Variants in TJP2 observed in about 807,000 individuals in gnomAD.
The protein encoded by TJP2 is tight junction protein 2.
Under a neutral mutation model 133.1 loss-of-function variants are expected in TJP2, and 91 were observed. That is an observed-to-expected ratio of 0.68 (90% confidence interval 0.58 to 0.81). The LOEUF (loss-of-function observed/expected upper bound fraction) is 0.81. Among genes scored for constraint, TJP2 ranks in the 40% least tolerant of loss-of-function variants. The pLI is 0.00. For synonymous variants in TJP2, 592 were observed against 583.4 expected (o/e 1.01, Z -0.21); for missense variants, 1,541 against 1,565.6 (o/e 0.98, Z 0.26).
At chr9:69,158,444 G>C (rs1823888269) in intron 2 of TJP2, among the ~76,000 whole-genome samples, 1 of 150,340 alleles carries the variant, frequency 6.7e-6, no homozygotes, top group Non-Finnish European at 1.5e-5. Flanking sequence ...ACTATCACCT[G>C]CCCTTCTGAC....
chr9:69,197,446 C>T (rs527694808), intron 1 of TJP2, among the ~76,000 whole-genome samples: 1 of 152,220 alleles, frequency 6.6e-6, no homozygotes, highest in African/African-American at 2.4e-5. Flanking sequence ...CATTTGTATA[C>T]AAGTTGTTGT....
intron 2 of TJP2, among the ~76,000 whole-genome samples, chr9:69,154,854 G>A (rs986712338): frequency 2.5e-4 from 38 of 151,988 alleles, no homozygotes; most frequent in African/African-American, 8.7e-4. Context: ...TTCTAGATAC[G>A]AAATCTCATT....
At chr9:69,147,221 G>A (rs1464971632) in intron 1 of TJP2, among the ~76,000 whole-genome samples, 2 of 152,134 alleles carry the variant, frequency 1.3e-5, no homozygotes, top group African/African-American at 4.8e-5. Flanking sequence ...TCAGAATGAC[G>A]AAAGTTTAGA....
chr9:69,156,377 T>A (rs1823758236), intron 2 of TJP2, among the ~76,000 whole-genome samples: 1 of 151,800 alleles, frequency 6.6e-6, no homozygotes. Context: ...AAAAGAAAAA[T>A]TTAGAAAGTT....
At chr9:69,207,910 T>C (rs1162608777) in intron 1 of TJP2, among the ~76,000 whole-genome samples, 1 of 152,194 alleles carries the variant, frequency 6.6e-6, no homozygotes, top group Non-Finnish European at 1.5e-5. Context: ...AAAAATTATA[T>C]AAATGAGGCA....
Position 69,221,133 on chromosome 9 carries a change from C to G in TJP2, c.589C>G (p.Arg197Gly), listed in dbSNP as rs539524493. ...RERDLSRDRS[R>G]GRSLERGLDQ... ...GCGGGACCTCAGCCGGGACCGGAGC[C>G]GTGGCCGGAGCCTGGAGCGGGGCCT... The change falls in exon 5 of 23, where the codon CGT becomes GGT. Residue 197 changes from arginine (R) to glycine (G), a missense_variant. Arg to Gly is a moderately radical substitution (Grantham distance 125, BLOSUM62 -2). Transcript: ENST00000377245. The G allele has an allele frequency of 2.5e-5, 39 of 1,589,788 alleles. No homozygotes were observed. Among genetic ancestry groups the G allele is most frequent in the Non-Finnish European group, 3.3e-5 (38 of 1,168,608 alleles).
In TJP2 at chr9:69,230,233, G is replaced by A; in HGVS notation, c.1671+1G>A. ...TCAAGAAGGAGACCAGATTCTGAAG[G>A]TAAGAACAGCCCAGCTCTGTTTCTA... is the stretch of plus-strand genomic sequence containing the variant. On this transcript the variant is annotated splice_donor_variant, in intron 11 of 22. Coordinates refer to ENST00000377245, the MANE Select transcript of TJP2 (RefSeq NM_004817.4). LOFTEE classifies it high-confidence loss of function. 6.2e-7 allele frequency: 1 copy of A among 1,614,128 alleles called. No homozygotes were observed. Among genetic ancestry groups the A allele is most frequent in the Non-Finnish European group, 8.5e-7 (1 of 1,180,006 alleles).
At chr9:69,175,287 T>C (rs569320297) in intron 1 of TJP2, among the ~76,000 whole-genome samples, 20 of 152,258 alleles carry the variant, frequency 1.3e-4, no homozygotes, top group African/African-American at 4.6e-4. Context: ...AGTCATCCCA[T>C]GATAGAAACT....
intron 1 of TJP2, chr9:69,151,521 CTG>C: frequency 9.3e-6 from 8 of 857,728 alleles, no homozygotes; most frequent in Non-Finnish European, 1.2e-5. Context: ...TTGCATAACT[CTG>C]TGAAGGTACT....
intron 1 of TJP2, among the ~76,000 whole-genome samples, chr9:69,210,633 C>T: frequency 6.6e-6 from 1 of 152,044 alleles, no homozygotes; most frequent in Non-Finnish European, 1.5e-5. Flanking sequence ...AAATCTTGCA[C>T]TTTTGGGCTG....
intron 1 of TJP2, among the ~76,000 whole-genome samples, chr9:69,199,069 A>T (rs1826800480): frequency 6.6e-6 from 1 of 152,236 alleles, no homozygotes; most frequent in Non-Finnish European, 1.5e-5. Flanking sequence ...TTTTGACTAA[A>T]TTCTTCACAA....
chr9:69,254,416 C>T lies in TJP2; in HGVS notation c.*42C>T, dbSNP rs1469725782. ...TCTCCCAGGCCTGCCTGCATGGCATCAGACTAGCCACTCCTGCCAGGCCGC... is the reference window on the plus strand; with the variant it reads ...TCTCCCAGGCCTGCCTGCATGGCATTAGACTAGCCACTCCTGCCAGGCCGC... On this transcript the variant is annotated 3_prime_UTR_variant, in exon 23 of 23. Coordinates refer to ENST00000377245, the MANE Select transcript of TJP2 (RefSeq NM_004817.4). 1 of 1,609,482 alleles carries T rather than the reference C, an allele frequency of 6.2e-7. No individual in the cohort carries two copies. The highest frequency in any genetic ancestry group is 8.5e-7 in the Non-Finnish European group (1 of 1,179,212).
chr9:69,193,281 T>C (rs1826328599), intron 1 of TJP2, among the ~76,000 whole-genome samples: 1 of 152,128 alleles, frequency 6.6e-6, no homozygotes, highest in African/African-American at 2.4e-5. Flanking sequence ...TTTCAATTCG[T>C]AGGGAACCGG....
At position 69,251,193 on chromosome 9, in the gene TJP2, G is replaced by C; in HGVS notation, c.3150G>C (p.Leu1050=). Residue 1050 remains leucine (L), a synonymous_variant, in exon 21 of 23, where the codon CTG becomes CTC. Coordinates refer to ENST00000377245, the MANE Select transcript of TJP2 (RefSeq NM_004817.4). Reference sequence around the variant, plus strand: ...AACCTACCTTTGGGCGGTCTATACTGAAGCCCTCCACTCCCATCCCTCCTC... The same window carrying C: ...AACCTACCTTTGGGCGGTCTATACTCAAGCCCTCCACTCCCATCCCTCCTC... ...AAKPTFGRSI[L]KPSTPIPPQE... The C allele has an allele frequency of 8.1e-6, 13 of 1,614,088 alleles. No homozygotes were observed. Among genetic ancestry groups the C allele is most frequent in the Non-Finnish European group, 1.1e-5 (13 of 1,180,022 alleles).
intron 1 of TJP2, among the ~76,000 whole-genome samples, chr9:69,142,143 A>G (rs1285538061): frequency 6.6e-6 from 1 of 152,210 alleles, no homozygotes. Context: ...GGAAAAGGCA[A>G]GGGGCACTGT....
At chr9:69,171,034 A>T (rs1824651173), upstream of TJP2, among the ~76,000 whole-genome samples, 1 of 151,782 alleles carries the variant, frequency 6.6e-6, no homozygotes, top group South Asian at 2.1e-4. Context: ...GAACATCTTC[A>T]CCTGGATGAC....
intron 17 of TJP2, among the ~76,000 whole-genome samples, chr9:69,244,175 C>T (rs1434983583): frequency 7.3e-6 from 1 of 137,446 alleles, no homozygotes; most frequent in African/African-American, 2.8e-5. Flanking sequence ...CAATGAGACC[C>T]TGTCTCAGGA....
At chr9:69,188,724 G>A (rs1045028424) in intron 1 of TJP2, among the ~76,000 whole-genome samples, 3 of 152,110 alleles carry the variant, frequency 2.0e-5, no homozygotes, top group African/African-American at 7.2e-5. Context: ...GGTATTAAGT[G>A]ATTATGTATA....
In TJP2 at chr9:69,227,996, G is replaced by A. The variant is rs201454629; in HGVS notation, c.1335G>A (p.Thr445=). 34 of 1,614,024 alleles carry A rather than the reference G, an allele frequency of 2.1e-5. No individual in the cohort carries two copies. Among genetic ancestry groups the A allele is most frequent in the Non-Finnish European group, 2.4e-5 (28 of 1,180,026 alleles). ...LKERPSSRED[T]PSRLSRMGAT... ...TGTGATTCAGTTCCAGAGAGGACACGCCGAGCAGATTGTCCAGGATGGGTG... is the reference window on the plus strand; with the variant it reads ...TGTGATTCAGTTCCAGAGAGGACACACCGAGCAGATTGTCCAGGATGGGTG... The change falls in exon 9 of 23, where the codon ACG becomes ACA. Residue 445 remains threonine (T), a synonymous_variant. Transcript: ENST00000377245.
Sources: allele counts gnomAD v4.1 joint callset (sites outside exome capture counted in the v4.1 genomes callset), GRCh38; gene constraint gnomAD v4.1.1; transcripts MANE v1.5; gene names NCBI Gene and HGNC (gene_info 2026-07-23, HGNC 2026-07-21).